The following NOS1 variants were observed in gnomAD, a reference collection of about 807,000 sequenced individuals.
The protein encoded by NOS1 is nitric oxide synthase 1, also known as NOS type I.
In NOS1, 51 loss-of-function variants were observed where a neutral mutation model predicts 164.5. That is an observed-to-expected ratio of 0.31 (90% CI 0.25 to 0.39). The LOEUF (loss-of-function observed/expected upper bound fraction) is 0.39. Among genes scored for constraint, NOS1 ranks in the 10% least tolerant of loss-of-function variants. The pLI is 1.00. For synonymous variants in NOS1, 719 were observed against 745.8 expected (o/e 0.96, Z 0.59); for missense variants, 1,362 against 1,885.6 (o/e 0.72, Z 5.14).
chr12:117,327,694 G>A (rs1488545579), intron 2 of NOS1, among the ~76,000 whole-genome samples: 1 of 152,236 alleles, frequency 6.6e-6, no homozygotes, highest in South Asian at 2.1e-4. Flanking sequence ...ACAATGCTGT[G>A]TGTATTCGGT....
At chr12:117,348,639 T>A (rs1236695794) in intron 1 of NOS1, among the ~76,000 whole-genome samples, 1 of 152,276 alleles carries the variant, frequency 6.6e-6, no homozygotes, top group Non-Finnish European at 1.5e-5. Context: ...ATTTGCTAAC[T>A]GCTTTTTTCT....
intron 1 of NOS1, among the ~76,000 whole-genome samples, chr12:117,332,742 G>A (rs564658877): frequency 6.6e-6 from 1 of 152,102 alleles, no homozygotes; most frequent in African/African-American, 2.4e-5. Flanking sequence ...GCGGGTGCCT[G>A]TAATCCCAGC....
chr12:117,289,002 C>T (rs911461510), intron 4 of NOS1, among the ~76,000 whole-genome samples: 5 of 152,114 alleles, frequency 3.3e-5, no homozygotes, highest in African/African-American at 9.7e-5. Flanking sequence ...CCAGCCAATC[C>T]GTAGACTTTT....
Position 117,211,280 on chromosome 12 carries a change from T to C in NOS1, c.*4029A>G, listed in dbSNP as rs1057473426. On this transcript the variant is annotated 3_prime_UTR_variant, in exon 29 of 29. Coordinates refer to ENST00000317775, the MANE Select transcript of NOS1 (RefSeq NM_000620.5). Reference sequence around the variant, plus strand: ...GCCTGCAAGATGCTTTAATTTCTCCTTTATTCTCACCCTCTACAATGGATG... The same window carrying C: ...GCCTGCAAGATGCTTTAATTTCTCCCTTATTCTCACCCTCTACAATGGATG... The C allele has an allele frequency of 1.0e-6, 1 of 985,384 alleles. No homozygotes were observed. Among genetic ancestry groups the C allele is most frequent in the African/African-American group, 1.7e-5 (1 of 57,326 alleles). The allele number at this position is 985,384 out of a possible 1,614,324, so 61.0% of individuals were successfully genotyped here.
chr12:117,229,789 A>G (rs911279235), intron 22 of NOS1, among the ~76,000 whole-genome samples: 7 of 152,182 alleles, frequency 4.6e-5, no homozygotes, highest in South Asian at 2.1e-4. Flanking sequence ...GGGTTTCACC[A>G]TGTTGGCTAG....
chr12:117,297,709 C>T (rs899743022), intron 3 of NOS1, among the ~76,000 whole-genome samples: 1 of 152,112 alleles, frequency 6.6e-6, no homozygotes, highest in Non-Finnish European at 1.5e-5. Context: ...GGCTTTTTAG[C>T]AGACACTAGG....
chr12:117,254,919 C>T lies in NOS1; in HGVS notation c.2532-1165G>A, dbSNP rs745431361. Among the ~76,000 whole-genome samples, 68 of 152,260 alleles carry T rather than the reference C, an allele frequency of 4.5e-4. 1 individual carries two copies. The highest frequency in any genetic ancestry group is 3.4e-3 in the Middle Eastern group (1 of 294). Reference sequence around the variant, plus strand: ...CATTTCAGGGCTCTATCAAATTTCACATTTCAAGTAAATATGAACAATGTT... The same window carrying T: ...CATTTCAGGGCTCTATCAAATTTCATATTTCAAGTAAATATGAACAATGTT... On this transcript the variant is annotated intron_variant, in intron 16 of 28. Transcript: ENST00000317775.
At chr12:117,311,852 C>T (rs1874450734) in intron 2 of NOS1, among the ~76,000 whole-genome samples, 1 of 152,206 alleles carries the variant, frequency 6.6e-6, no homozygotes, top group Admixed American at 6.5e-5. Flanking sequence ...ACTTTGTGGA[C>T]ATCATTTCAG....
At chr12:117,304,921 T>C (rs1209241283) in intron 3 of NOS1, 1 of 768,048 alleles carries the variant, frequency 1.3e-6, no homozygotes, top group South Asian at 5.9e-5. Context: ...ACTTATAGTC[T>C]CCTGTGTTAG....
At chr12:117,333,995 A>G (rs1875678321) in intron 1 of NOS1, among the ~76,000 whole-genome samples, 1 of 152,220 alleles carries the variant, frequency 6.6e-6, no homozygotes, top group African/African-American at 2.4e-5. Context: ...AAGCAACTGA[A>G]AGGCGACCTC....
intron 17 of NOS1, among the ~76,000 whole-genome samples, chr12:117,249,928 C>T (rs1255505290): frequency 6.6e-6 from 1 of 152,144 alleles, no homozygotes; most frequent in Non-Finnish European, 1.5e-5. Flanking sequence ...CAAATACACC[C>T]CACCTTGCCC....
rs1462000720 is a variant in NOS1, at chr12:117,225,006, T to C, written c.3826+10A>G. ...GGTGGGAACCAAGTGGCCACTGGACTGTAACCCACCTTTGTGTTGGATATC... is the reference window on the plus strand; with the variant it reads ...GGTGGGAACCAAGTGGCCACTGGACCGTAACCCACCTTTGTGTTGGATATC... On this transcript the variant is annotated intron_variant, in intron 25 of 28. Coordinates refer to ENST00000317775, the MANE Select transcript of NOS1 (RefSeq NM_000620.5). The C allele has an allele frequency of 3.1e-6, 5 of 1,614,004 alleles. No individual in the cohort carries two copies. In the South Asian group the frequency reaches 3.3e-5, roughly 11 times the overall value.
At chr12:117,322,399 T>A (rs1318255314) in intron 2 of NOS1, among the ~76,000 whole-genome samples, 2 of 127,588 alleles carry the variant, frequency 1.6e-5, no homozygotes, top group Non-Finnish European at 1.6e-5. Flanking sequence ...CTCTCTTCTT[T>A]CCCTTCCTCC....
At chr12:117,299,372 C>G (rs976150271) in intron 3 of NOS1, among the ~76,000 whole-genome samples, 1 of 152,148 alleles carries the variant, frequency 6.6e-6, no homozygotes, top group Non-Finnish European at 1.5e-5. Context: ...GGCGCGGTGG[C>G]TCACGCCTGT....
rs1441531194 is a variant in NOS1, at chr12:117,214,421, G to C, written c.*888C>G. On this transcript the variant is annotated 3_prime_UTR_variant, in exon 29 of 29. Transcript: ENST00000317775. The stretch of plus-strand genomic sequence containing the variant: ...AGGCCCCTTGGATGCTATTGCTGGA[G>C]GAGGGGGTCAGTCAATGGATGTGGC... The C allele has an allele frequency of 5.1e-6, 5 of 985,288 alleles. No homozygotes were observed. The highest frequency in any genetic ancestry group is 1.2e-4 in the Admixed American group (2 of 16,254). 61.0% of individuals were successfully genotyped at this position (985,288 alleles called of 1,614,324 possible).
intron 20 of NOS1, among the ~76,000 whole-genome samples, chr12:117,238,835 T>C (rs1869935758): frequency 6.6e-6 from 1 of 151,954 alleles, no homozygotes; most frequent in South Asian, 2.1e-4. Context: ...CCTATTAAAC[T>C]TCCACTTTTA....
At chr12:117,247,287 G>A in intron 18 of NOS1, 61 bp downstream of exon 18, 3 of 1,345,154 alleles carry the variant, frequency 2.2e-6, no homozygotes, top group Non-Finnish European at 3.1e-6. Context: ...TGGTTTAGGT[G>A]CTGTCTTTGG....
chr12:117,208,446 A>G lies in NOS1; in HGVS notation c.*6863T>C. 3.2e-6 allele frequency: 4 copies of G among 1,233,720 alleles called. No individual in the cohort carries two copies. The highest frequency in any genetic ancestry group is 4.1e-6 in the Non-Finnish European group (4 of 964,470). 76.4% of individuals were successfully genotyped at this position (1,233,720 alleles called of 1,614,324 possible). On this transcript the variant is annotated 3_prime_UTR_variant, in exon 29 of 29. Transcript: ENST00000317775. ...TGGTGAGATGCGACCAGGTCTGCCC[A>G]CCTCCCCAGCTTCCCAAGCCCGGAA...
At chr12:117,342,432 G>C (rs970929288) in intron 1 of NOS1, among the ~76,000 whole-genome samples, 3 of 152,148 alleles carry the variant, frequency 2.0e-5, no homozygotes, top group Non-Finnish European at 4.4e-5. Context: ...GTCAGGGAAG[G>C]CTTCCTGGAG....
Sources: gnomAD v4.1 joint callset for allele counts (sites outside exome capture counted in the v4.1 genomes callset) on GRCh38, gnomAD v4.1.1 for gene constraint, MANE v1.5 for transcripts, NCBI Gene and HGNC (gene_info 2026-07-23, HGNC 2026-07-21) for gene names.